LARGE1: variants seen among roughly 807,000 people sequenced by gnomAD.
The protein encoded by LARGE1 is LARGE xylosyl- and glucuronyltransferase 1, also known as xylosyl- and glucuronyltransferase LARGE1.
Under a neutral mutation model 87.6 loss-of-function variants are expected in LARGE1, and 43 were observed. The ratio of observed to expected loss-of-function variants is 0.49; its 90% CI spans 0.38 to 0.63. The LOEUF (loss-of-function observed/expected upper bound fraction) is 0.63. LARGE1 is among the 30% of genes least tolerant of loss of function. The pLI, the probability that LARGE1 is intolerant of heterozygous loss-of-function variation, is 0.00. For missense variants in LARGE1, 802 were observed against 1,000.2 expected, an observed-to-expected ratio of 0.80 and a Z score of 2.67; for synonymous variants, 434 against 394.6, an observed-to-expected ratio of 1.10 and a Z score of -1.18.
intron 1 of LARGE1, among the ~76,000 whole-genome samples, chr22:33,784,976 T>C (rs757524967): frequency 6.6e-6 from 1 of 151,212 alleles, no homozygotes; most frequent in Non-Finnish European, 1.5e-5. Flanking sequence ...TACATGTGTA[T>C]ACATACATAT....
chr22:33,501,603 C>T (rs1323580033), intron 6 of LARGE1, among the ~76,000 whole-genome samples: 1 of 152,090 alleles, frequency 6.6e-6, no homozygotes, highest in Non-Finnish European at 1.5e-5. Flanking sequence ...GGAAATGATC[C>T]AAGTCGTTCT....
intron 12 of LARGE1, among the ~76,000 whole-genome samples, chr22:33,288,375 C>A (rs929326593): frequency 6.6e-6 from 1 of 152,206 alleles, no homozygotes; most frequent in Admixed American, 6.5e-5. Context: ...CAGTTTCCAG[C>A]CTGCTGGCCT....
intron 6 of LARGE1, among the ~76,000 whole-genome samples, chr22:33,440,167 T>A (rs1002976992): frequency 6.6e-6 from 1 of 152,186 alleles, no homozygotes; most frequent in African/African-American, 2.4e-5. Flanking sequence ...TAGGGGCCCA[T>A]TATACTGCAG....
chr22:33,504,437 T>A (rs1381962118), intron 6 of LARGE1, among the ~76,000 whole-genome samples: 1 of 152,168 alleles, frequency 6.6e-6, no homozygotes, highest in East Asian at 1.9e-4. Flanking sequence ...TTTTTGTATT[T>A]TTAGTAGAGA....
At chr22:33,159,731 C>A (rs1921963659), downstream of LARGE1, among the ~76,000 whole-genome samples, 1 of 151,750 alleles carries the variant, frequency 6.6e-6, no homozygotes, top group Non-Finnish European at 1.5e-5. Flanking sequence ...ACTACAGGCA[C>A]CCGCCACCAC....
the LARGE1 span, among the ~76,000 whole-genome samples, chr22:33,127,490 A>G: frequency 6.6e-6 from 1 of 152,348 alleles, no homozygotes; most frequent in South Asian, 2.1e-4. Context: ...AGGAAAAAGA[A>G]AAGAAAAACT....
intron 5 of LARGE1, among the ~76,000 whole-genome samples, chr22:33,576,767 A>G (rs1335693803): frequency 6.6e-6 from 1 of 152,240 alleles, no homozygotes; most frequent in East Asian, 1.9e-4. Context: ...TGCATATAAC[A>G]TAGGTATATC....
chr22:33,659,618 C>T (rs951904532), intron 2 of LARGE1, among the ~76,000 whole-genome samples: 8 of 151,976 alleles, frequency 5.3e-5, no homozygotes, highest in African/African-American at 1.9e-4. Context: ...ATGAGGTACA[C>T]AGGGAATGTT....
chr22:33,487,568 A>G (rs1009571831), intron 6 of LARGE1, among the ~76,000 whole-genome samples: 2 of 152,176 alleles, frequency 1.3e-5, no homozygotes, highest in African/African-American at 4.8e-5. Flanking sequence ...AATCAGAGAA[A>G]GTGCCTATCC....
intron 2 of LARGE1, among the ~76,000 whole-genome samples, chr22:33,663,718 A>G (rs2149241023): frequency 6.6e-6 from 1 of 152,278 alleles, no homozygotes; most frequent in East Asian, 1.9e-4. Context: ...AATCTACTGC[A>G]CTTTATACTT....
chr22:33,368,453 G>C (rs1383714867), intron 9 of LARGE1, among the ~76,000 whole-genome samples: 2 of 141,944 alleles, frequency 1.4e-5, no homozygotes, highest in East Asian at 2.2e-4. Context: ...AGAATCGTTT[G>C]AACATGGGAA....
chr22:33,759,988 G>C (rs760739141), intron 2 of LARGE1, among the ~76,000 whole-genome samples: 1 of 152,204 alleles, frequency 6.6e-6, no homozygotes, highest in Admixed American at 6.5e-5. Flanking sequence ...AGCCCTCCCT[G>C]CTAGACAGGC....
chr22:33,802,799 C>T (rs554862817), intron 1 of LARGE1, among the ~76,000 whole-genome samples: 2 of 152,202 alleles, frequency 1.3e-5, no homozygotes, highest in African/African-American at 4.8e-5. Flanking sequence ...CACCAGGGTA[C>T]GGATTCATTA....
chr22:33,460,183 C>T lies in LARGE1; in HGVS notation c.788-27918G>A, dbSNP rs532974148. On this transcript the variant is annotated intron_variant, in intron 6 of 14. Coordinates refer to ENST00000397394, the MANE Select transcript of LARGE1 (RefSeq NM_133642.5). Reference sequence around the variant, plus strand: ...ATTTCCTCCTCTATAAAGCCTTCCTCGGTTGTGTCGGCCAAATTTAGCTCT... The same window carrying T: ...ATTTCCTCCTCTATAAAGCCTTCCTTGGTTGTGTCGGCCAAATTTAGCTCT... Among the ~76,000 whole-genome samples, 19 of 152,332 alleles carry T rather than the reference C, an allele frequency of 1.2e-4. No homozygotes were observed. In the South Asian group the frequency reaches 2.3e-3, roughly 18 times the overall value.
chr22:33,332,490 G>C (rs1391007880), intron 10 of LARGE1, among the ~76,000 whole-genome samples: 4 of 152,144 alleles, frequency 2.6e-5, no homozygotes, highest in African/African-American at 9.7e-5. Context: ...TAATACAGTG[G>C]ATGAAAGGAG....
At chr22:33,921,470 G>C (rs2065949599), upstream of LARGE1, among the ~76,000 whole-genome samples, 1 of 152,036 alleles carries the variant, frequency 6.6e-6, no homozygotes, top group South Asian at 2.1e-4. The surrounding 1 kb of genome is among the most constrained non-coding windows in gnomAD (Gnocchi z 4.1). Context: ...GCACAAAACA[G>C]CCGTCGTGAG....
the LARGE1 span, among the ~76,000 whole-genome samples, chr22:33,098,245 G>A: frequency 6.6e-6 from 1 of 152,058 alleles, no homozygotes; most frequent in African/African-American, 2.4e-5. Context: ...AGGCTGCAGT[G>A]AGCTATGATC....
At position 33,825,076 on chromosome 22, in the gene LARGE1, G is replaced by A. The variant is rs113835288; in HGVS notation, c.-82-63518C>T. ...TAAAATGCTATGATTTGTCATTCCA[G>A]CAGTTGATCAGTCGATGAGCAACTT... On this transcript the variant is annotated intron_variant, in intron 1 of 14. Coordinates refer to ENST00000397394, the MANE Select transcript of LARGE1 (RefSeq NM_133642.5). 4.5e-3 allele frequency among the ~76,000 whole-genome samples: 688 copies of A among 152,252 alleles called. 3 individuals carry two copies. The highest frequency in any genetic ancestry group is 0.015 in the African/African-American group (633 of 41,568).
intron 2 of LARGE1, among the ~76,000 whole-genome samples, chr22:33,740,786 G>C (rs1389319274): frequency 6.6e-6 from 1 of 152,142 alleles, no homozygotes; most frequent in East Asian, 1.9e-4. Context: ...CATTCTCAAA[G>C]GTGCGCCATT....
Sources: gnomAD v4.1 joint callset for allele counts (sites outside exome capture counted in the v4.1 genomes callset) on GRCh38, gnomAD v4.1.1 for gene constraint, Gnocchi (gnomAD v3.1) non-coding constraint, MANE v1.5 for transcripts, NCBI Gene and HGNC (gene_info 2026-07-23, HGNC 2026-07-21) for gene names.